PRSS23: variants seen among roughly 807,000 people sequenced by gnomAD.
PRSS23 encodes the protein protease, serine 23.
Under a neutral mutation model 34.7 loss-of-function variants are expected in PRSS23, and 25 were observed. The observed-to-expected ratio is 0.72, with a 90% CI of 0.53 to 1.01. The LOEUF is 1.01. Ranked by LOEUF, PRSS23 falls within the 50% of genes least tolerant of loss-of-function variation. The probability of loss-of-function intolerance (pLI) is 0.00; values close to 1 mark genes in which losing one functional copy is unlikely to be tolerated. For synonymous variants in PRSS23, 176 were observed against 186.6 expected (o/e 0.94, Z 0.46); for missense variants, 445 against 475.6 (o/e 0.94, Z 0.60).
intron 2 of PRSS23, among the ~76,000 whole-genome samples, chr11:86,842,369 G>A (rs575780302): frequency 2.0e-5 from 3 of 152,260 alleles, no homozygotes; most frequent in African/African-American, 7.2e-5. Flanking sequence ...TTGAAAACTG[G>A]CACAAGACAA....
chr11:86,835,690 C>T (rs888753156), intron 2 of PRSS23, among the ~76,000 whole-genome samples: 1 of 152,178 alleles, frequency 6.6e-6, no homozygotes, highest in Admixed American at 6.5e-5. Flanking sequence ...AGGCTGGATA[C>T]GTTCCTCACT....
chr11:86,863,684 T>C (rs1237434806), intron 2 of PRSS23, among the ~76,000 whole-genome samples: 1 of 152,216 alleles, frequency 6.6e-6, no homozygotes, highest in Non-Finnish European at 1.5e-5. Context: ...TTACCAGATT[T>C]TCCTGGACCT....
chr11:86,864,554 C>T (rs767644278), intron 2 of PRSS23, among the ~76,000 whole-genome samples: 12 of 152,244 alleles, frequency 7.9e-5, no homozygotes, highest in Non-Finnish European at 1.5e-4. Flanking sequence ...TCTTGCCCAG[C>T]AGTGACTTTA....
intron 1 of PRSS23, among the ~76,000 whole-genome samples, chr11:86,791,776 C>T (rs1469633585): frequency 6.6e-6 from 1 of 152,216 alleles, no homozygotes; most frequent in Non-Finnish European, 1.5e-5. Context: ...TTCAAGGTGG[C>T]TCCCCGTGGC....
chr11:86,834,130 A>G (rs1948383559), intron 2 of PRSS23, among the ~76,000 whole-genome samples: 1 of 152,142 alleles, frequency 6.6e-6, no homozygotes, highest in South Asian at 2.1e-4. Context: ...AGTGCAGGGG[A>G]TTATTTCTTT....
At chr11:86,826,921 C>T (rs1234609879) in intron 2 of PRSS23, among the ~76,000 whole-genome samples, 1 of 152,030 alleles carries the variant, frequency 6.6e-6, no homozygotes, top group Non-Finnish European at 1.5e-5. Context: ...ATTTTTGCAT[C>T]GATGTTCATC....
intron 2 of PRSS23, among the ~76,000 whole-genome samples, chr11:86,853,405 C>T (rs549494168): frequency 2.0e-5 from 3 of 151,474 alleles, no homozygotes; most frequent in Admixed American, 6.6e-5. Context: ...AGGCATGCGC[C>T]ACCATGCCTG....
At chr11:86,847,050 AATTGGT>A (rs1948491652) in intron 2 of PRSS23, among the ~76,000 whole-genome samples, 1 of 152,160 alleles carries the variant, frequency 6.6e-6, no homozygotes, top group African/African-American at 2.4e-5. Flanking sequence ...ACCATTTAAT[AATTGGT>A]ATTGGAAGAA....
chr11:86,915,478 A>G (rs1241952370), intron 2 of PRSS23, among the ~76,000 whole-genome samples: 1 of 151,208 alleles, frequency 6.6e-6, no homozygotes, highest in Non-Finnish European at 1.5e-5. Flanking sequence ...GAGATAATGT[A>G]AGAAAAGAGG....
At chr11:86,931,743 G>A (rs542754801) in intron 2 of PRSS23, among the ~76,000 whole-genome samples, 1 of 152,270 alleles carries the variant, frequency 6.6e-6, no homozygotes, top group South Asian at 2.1e-4. Context: ...CGGAGCTCAA[G>A]TGACCCACTC....
intron 2 of PRSS23, chr11:86,833,595 G>A: frequency 4.8e-6 from 1 of 207,222 alleles, no homozygotes; most frequent in South Asian, 8.6e-5. Flanking sequence ...TTTATATCCA[G>A]ATCATTTTCC....
At chr11:86,918,390 A>T (rs890910825) in intron 2 of PRSS23, among the ~76,000 whole-genome samples, 1 of 152,182 alleles carries the variant, frequency 6.6e-6, no homozygotes, top group Admixed American at 6.5e-5. Flanking sequence ...TTATGTTATA[A>T]TTGCATTATT....
chr11:86,811,941 T>G (rs1035768591), downstream of PRSS23, among the ~76,000 whole-genome samples: 5 of 152,174 alleles, frequency 3.3e-5, no homozygotes, highest in Admixed American at 2.6e-4. Flanking sequence ...TCCTTCTTAC[T>G]TTGCCTGGGT....
chr11:86,911,658 T>C (rs1030930489), intron 2 of PRSS23: 1 of 152,226 alleles, frequency 6.6e-6, no homozygotes, highest in Non-Finnish European at 1.5e-5. Context: ...TCATTCTTTT[T>C]CACATCACAT....
downstream of PRSS23, among the ~76,000 whole-genome samples, chr11:86,811,723 C>A (rs1948179757): frequency 2.0e-5 from 3 of 152,054 alleles, no homozygotes; most frequent in South Asian, 4.2e-4. Context: ...TGGGAAGTAC[C>A]TGGTGATGCC....
At chr11:86,838,918 G>A (rs761077561) in intron 2 of PRSS23, among the ~76,000 whole-genome samples, 4 of 152,132 alleles carry the variant, frequency 2.6e-5, no homozygotes, top group Non-Finnish European at 5.9e-5. Flanking sequence ...CTAACAAAGA[G>A]AAAGGAATAG....
chr11:86,891,239 C>G (rs147624804), intron 2 of PRSS23, among the ~76,000 whole-genome samples: 7 of 152,228 alleles, frequency 4.6e-5, no homozygotes, highest in African/African-American at 1.7e-4. Flanking sequence ...GTTTATTTTC[C>G]CTAAATTACC....
intron 2 of PRSS23, among the ~76,000 whole-genome samples, chr11:86,876,731 A>G (rs1565373477): frequency 1.3e-5 from 1 of 78,550 alleles, no homozygotes; most frequent in East Asian, 4.8e-4. Flanking sequence ...TAACATTGCA[A>G]TAAAAAAAAA....
chr11:86,881,225 G>A (rs1327481733), intron 2 of PRSS23, among the ~76,000 whole-genome samples: 1 of 148,970 alleles, frequency 6.7e-6, no homozygotes, highest in East Asian at 2.0e-4. Flanking sequence ...TAACTGTTGA[G>A]GAAACAGGTA....
Sources: gnomAD v4.1 joint callset for allele counts (sites outside exome capture counted in the v4.1 genomes callset) on GRCh38, gnomAD v4.1.1 for gene constraint, MANE v1.5 for transcripts, NCBI Gene and HGNC (gene_info 2026-07-23, HGNC 2026-07-21) for gene names.